The following CSMD1 variants were observed in gnomAD, a reference collection of about 807,000 sequenced individuals.
The protein encoded by CSMD1 is CUB and sushi domain-containing protein 1.
A neutral mutation model predicts 417.5 loss-of-function variants in CSMD1; 213 were observed. The observed-to-expected ratio is 0.51, with a 90% CI of 0.46 to 0.57. The LOEUF (loss-of-function observed/expected upper bound fraction) is 0.57, where lower values mean the gene tolerates loss of function less well. Ranked by LOEUF, CSMD1 falls within the 20% of genes least tolerant of loss-of-function variation. The probability of loss-of-function intolerance (pLI) is 0.00; values close to 1 mark genes in which losing one functional copy is unlikely to be tolerated. For synonymous variants in CSMD1, 2,862 were observed against 1,736.8 expected, an observed-to-expected ratio of 1.65 and a Z score of -16.11; for missense variants, 6,923 against 4,529.7, an observed-to-expected ratio of 1.53 and a Z score of -15.17.
intron 8 of CSMD1, among the ~76,000 whole-genome samples, chr8:3,594,980 T>C (rs971818185): frequency 6.6e-6 from 1 of 152,168 alleles, no homozygotes; most frequent in Non-Finnish European, 1.5e-5. Flanking sequence ...ACTGAAGGGC[T>C]TTAGGAAGAA....
At chr8:4,033,102 C>T (rs948047127) in intron 3 of CSMD1, among the ~76,000 whole-genome samples, 1 of 121,152 alleles carries the variant, frequency 8.3e-6, no homozygotes, top group African/African-American at 3.2e-5. Context: ...TAGACAATAA[C>T]TTAACTCTTG....
intron 3 of CSMD1, among the ~76,000 whole-genome samples, chr8:4,378,347 T>C (rs1221405580): frequency 6.6e-6 from 1 of 152,372 alleles, no homozygotes; most frequent in South Asian, 2.1e-4. Context: ...ATTTAATGAA[T>C]GTAGGTGGAA....
intron 26 of CSMD1, among the ~76,000 whole-genome samples, chr8:3,259,343 C>T (rs71521815): frequency 9.7e-4 from 147 of 152,254 alleles, no homozygotes; most frequent in African/African-American, 3.1e-3. Flanking sequence ...ATCTTGACTT[C>T]GTTCACTCAG....
At chr8:3,350,946 G>A (rs1808379362) in intron 21 of CSMD1, among the ~76,000 whole-genome samples, 1 of 152,164 alleles carries the variant, frequency 6.6e-6, no homozygotes, top group African/African-American at 2.4e-5. Context: ...CCATCCCGTT[G>A]TAACTGATGA....
chr8:3,929,837 T>G (rs1461387569), intron 5 of CSMD1, among the ~76,000 whole-genome samples: 2 of 149,526 alleles, frequency 1.3e-5, no homozygotes, highest in East Asian at 3.9e-4. Context: ...AATTTTTGTG[T>G]TTTTAGTAGA....
intron 2 of CSMD1, among the ~76,000 whole-genome samples, chr8:4,451,699 C>G (rs760660483): frequency 7.2e-5 from 11 of 152,002 alleles, no homozygotes; most frequent in African/African-American, 2.7e-4. Flanking sequence ...ATCAGTTCTT[C>G]CAGGCAAAGC....
chr8:4,189,681 A>G (rs964820235), intron 3 of CSMD1, among the ~76,000 whole-genome samples: 1 of 152,184 alleles, frequency 6.6e-6, no homozygotes, highest in Non-Finnish European at 1.5e-5. Context: ...ATGCATTTGA[A>G]CGGAAAGAGT....
intron 1 of CSMD1, among the ~76,000 whole-genome samples, chr8:4,957,259 G>T (rs4360313): frequency 0.26 from 39,716 of 152,042 alleles, 6,397 homozygotes; most frequent in East Asian, 0.38. Context: ...AGGAATCCTG[G>T]AGTCAGGCTT....
intron 5 of CSMD1, among the ~76,000 whole-genome samples, chr8:3,944,800 T>A (rs1329775080): frequency 1.3e-5 from 2 of 152,154 alleles, no homozygotes; most frequent in Non-Finnish European, 2.9e-5. Context: ...TATTCTGTTT[T>A]TGCGTTTCTT....
intron 6 of CSMD1, among the ~76,000 whole-genome samples, chr8:3,747,428 C>G (rs1247957128): frequency 6.6e-6 from 1 of 150,458 alleles, no homozygotes; most frequent in African/African-American, 2.4e-5. Context: ...TTTTTTTTTA[C>G]TAATGGTCAT....
At chr8:4,946,923 T>A in intron 1 of CSMD1, among the ~76,000 whole-genome samples, 1 of 152,338 alleles carries the variant, frequency 6.6e-6, no homozygotes, top group South Asian at 2.1e-4. Context: ...ACAGAGCATA[T>A]GTACATACGT....
intron 1 of CSMD1, among the ~76,000 whole-genome samples, chr8:4,819,588 T>A (rs967089037): frequency 2.0e-5 from 3 of 152,204 alleles, no homozygotes; most frequent in African/African-American, 7.2e-5. Flanking sequence ...TGTATCTTGT[T>A]AAGCATTTTC....
intron 2 of CSMD1, among the ~76,000 whole-genome samples, chr8:4,608,513 G>A (rs574058698): frequency 7.2e-5 from 11 of 152,320 alleles, no homozygotes; most frequent in African/African-American, 2.4e-4. Flanking sequence ...GTGTTTAAAT[G>A]TGGAATCTCC....
intron 3 of CSMD1, among the ~76,000 whole-genome samples, chr8:4,186,254 G>C (rs929526824): frequency 6.6e-6 from 1 of 152,146 alleles, no homozygotes; most frequent in Non-Finnish European, 1.5e-5. Context: ...CACTGCAGCA[G>C]AGGGGAAAGT....
intron 3 of CSMD1, among the ~76,000 whole-genome samples, chr8:4,364,389 G>C (rs916243342): frequency 6.6e-6 from 1 of 152,004 alleles, no homozygotes; most frequent in Non-Finnish European, 1.5e-5. Flanking sequence ...CCTGTTTACT[G>C]TTATAGCTTC....
At chr8:4,954,053 C>A (rs566740437) in intron 1 of CSMD1, among the ~76,000 whole-genome samples, 1 of 152,102 alleles carries the variant, frequency 6.6e-6, no homozygotes, top group Non-Finnish European at 1.5e-5. Context: ...GAGTGCTTTT[C>A]TTTCTCCAAA....
At chr8:4,792,625 G>A (rs374468094) in intron 1 of CSMD1, among the ~76,000 whole-genome samples, 31 of 152,180 alleles carry the variant, frequency 2.0e-4, no homozygotes, top group African/African-American at 6.7e-4. Context: ...CCCTCTTTTA[G>A]ACTACTGTTT....
intron 4 of CSMD1, among the ~76,000 whole-genome samples, chr8:3,998,975 T>A (rs1815444780): frequency 6.8e-6 from 1 of 147,268 alleles, no homozygotes; most frequent in South Asian, 2.1e-4. Flanking sequence ...TATATATAAA[T>A]AACATAAACT....
At chr8:4,099,878 G>T (rs914229979) in intron 3 of CSMD1, among the ~76,000 whole-genome samples, 4 of 152,134 alleles carry the variant, frequency 2.6e-5, no homozygotes, top group East Asian at 3.9e-4. Context: ...AGTTTTAGTT[G>T]TACTGGGAAC....
Sources: gnomAD v4.1 joint callset for allele counts (sites outside exome capture counted in the v4.1 genomes callset) on GRCh38, gnomAD v4.1.1 for gene constraint, MANE v1.5 for transcripts, NCBI Gene and HGNC (gene_info 2026-07-23, HGNC 2026-07-21) for gene names.